Variants in RALY observed in about 807,000 individuals in gnomAD.
RALY encodes the protein RALY heterogeneous nuclear ribonucleoprotein.
RALY carries 15 observed loss-of-function variants against 30.7 expected under a neutral mutation model. The ratio of observed to expected loss-of-function variants is 0.49; its 90% CI spans 0.33 to 0.75. The LOEUF (loss-of-function observed/expected upper bound fraction) is 0.75, where lower values mean the gene tolerates loss of function less well. RALY is among the 30% of genes least tolerant of loss of function. The probability of loss-of-function intolerance (pLI) is 0.02; values close to 1 mark genes in which losing one functional copy is unlikely to be tolerated. For missense variants in RALY, 339 were observed against 414.3 expected (o/e 0.82, Z 1.58); for synonymous variants, 177 against 170.8 (o/e 1.04, Z -0.28).
chr20:34,071,400 C>A (rs1298049369), intron 2 of RALY, among the ~76,000 whole-genome samples: 1 of 152,006 alleles, frequency 6.6e-6, no homozygotes, highest in Non-Finnish European at 1.5e-5. Flanking sequence ...GCCTCAGCCT[C>A]CCGAGTAGCT....
intron 1 of RALY, among the ~76,000 whole-genome samples, chr20:34,021,784 T>C (rs1435804780): frequency 2.0e-5 from 3 of 152,174 alleles, no homozygotes; most frequent in Non-Finnish European, 2.9e-5. Context: ...ATATGGTGAG[T>C]AGAATAAAGA....
chr20:34,045,012 C>A (rs2032830692), intron 2 of RALY, among the ~76,000 whole-genome samples: 1 of 151,776 alleles, frequency 6.6e-6, no homozygotes, highest in African/African-American at 2.4e-5. Flanking sequence ...TGAGCTTAAG[C>A]AATCCTCCCA....
At chr20:34,068,877 G>A (rs183945663) in intron 2 of RALY, among the ~76,000 whole-genome samples, 2 of 152,242 alleles carry the variant, frequency 1.3e-5, no homozygotes, top group East Asian at 3.9e-4. Context: ...GTCTCCTTGG[G>A]CTGAGGGAGT....
At chr20:34,068,804 T>C (rs939587085) in intron 2 of RALY, among the ~76,000 whole-genome samples, 2 of 152,134 alleles carry the variant, frequency 1.3e-5, no homozygotes, top group African/African-American at 2.4e-5. Context: ...TATCCCTCAC[T>C]TAGAGGAGCC....
chr20:34,076,193 G>T, intron 6 of RALY, 153 bp downstream of exon 6: 1 of 1,006,720 alleles, frequency 9.9e-7, no homozygotes. Flanking sequence ...GCATTTCTAA[G>T]AGGAAACAGC....
chr20:33,997,120 C>T (rs755694706), intron 1 of RALY, among the ~76,000 whole-genome samples: 1 of 151,980 alleles, frequency 6.6e-6, no homozygotes, highest in African/African-American at 2.4e-5. Flanking sequence ...AGACCTTATA[C>T]CCTGTTTTTT....
At chr20:34,015,453 A>G (rs2031569089) in intron 1 of RALY, among the ~76,000 whole-genome samples, 1 of 152,064 alleles carries the variant, frequency 6.6e-6, no homozygotes, top group South Asian at 2.1e-4. Flanking sequence ...AACCCAAGAA[A>G]TCCAAGTCTT....
chr20:33,999,446 C>G (rs2030806806), intron 1 of RALY, among the ~76,000 whole-genome samples: 1 of 152,104 alleles, frequency 6.6e-6, no homozygotes, highest in South Asian at 2.1e-4. Context: ...CTGGATGATG[C>G]AAACATTAGT....
At chr20:34,008,740 C>G (rs1428093446) in intron 1 of RALY, among the ~76,000 whole-genome samples, 3 of 152,168 alleles carry the variant, frequency 2.0e-5, no homozygotes, top group Non-Finnish European at 4.4e-5. Context: ...CTCACTGCAG[C>G]CTCAAACTCT....
At chr20:34,013,521 C>T (rs142661228) in intron 1 of RALY, among the ~76,000 whole-genome samples, 1 of 152,040 alleles carries the variant, frequency 6.6e-6, no homozygotes, top group African/African-American at 2.4e-5. Flanking sequence ...TCTGTATTTC[C>T]CCTAAGTAGA....
At chr20:34,056,487 CA>C (rs1419665296) in intron 2 of RALY, among the ~76,000 whole-genome samples, 2 of 152,142 alleles carry the variant, frequency 1.3e-5, no homozygotes, top group Admixed American at 6.6e-5. Flanking sequence ...TAAATTCTTC[CA>C]GGGGGGAGAT....
intron 2 of RALY, among the ~76,000 whole-genome samples, chr20:34,067,145 G>T (rs2033596307): frequency 6.6e-6 from 1 of 152,096 alleles, no homozygotes; most frequent in Non-Finnish European, 1.5e-5. Context: ...CTGTTGTGAG[G>T]GTTAAATACT....
intron 1 of RALY, among the ~76,000 whole-genome samples, chr20:34,025,875 G>T: frequency 7.2e-6 from 1 of 139,482 alleles, no homozygotes; most frequent in African/African-American, 2.6e-5. Flanking sequence ...CCTTTCCCTA[G>T]CTTCCAGCAG....
At chr20:34,079,696 A>G (rs1462568097) in intron 9 of RALY, among the ~76,000 whole-genome samples, 1 of 152,110 alleles carries the variant, frequency 6.6e-6, no homozygotes, top group African/African-American at 2.4e-5. Context: ...TTCACAGGTG[A>G]GTTATATGGG....
At chr20:34,070,032 T>C (rs1381325367) in intron 2 of RALY, among the ~76,000 whole-genome samples, 2 of 152,114 alleles carry the variant, frequency 1.3e-5, no homozygotes, top group Non-Finnish European at 2.9e-5. Context: ...CACCTGCTGG[T>C]CAGAACGTGC....
At chr20:34,042,189 G>A (rs1020612088) in intron 2 of RALY, among the ~76,000 whole-genome samples, 1 of 152,090 alleles carries the variant, frequency 6.6e-6, no homozygotes, top group Non-Finnish European at 1.5e-5. Context: ...AGGCCTAGTA[G>A]CTCAGCCTCC....
At chr20:34,058,609 C>T (rs955648631) in intron 2 of RALY, among the ~76,000 whole-genome samples, 1 of 152,208 alleles carries the variant, frequency 6.6e-6, no homozygotes, top group Non-Finnish European at 1.5e-5. Flanking sequence ...GACATGTTCA[C>T]TCTCTGACCT....
intron 1 of RALY, among the ~76,000 whole-genome samples, chr20:34,022,249 T>C (rs912708857): frequency 1.3e-5 from 2 of 152,006 alleles, no homozygotes; most frequent in Admixed American, 6.6e-5. Context: ...TCTTATTCTC[T>C]TCTCTATACC....
chr20:34,071,280 G>A (rs1314424342), intron 2 of RALY, among the ~76,000 whole-genome samples: 2 of 151,770 alleles, frequency 1.3e-5, no homozygotes, highest in Admixed American at 6.6e-5. Flanking sequence ...AGACTAAGCA[G>A]TTTTCTTTTC....
Sources: gnomAD v4.1 joint callset for allele counts (sites outside exome capture counted in the v4.1 genomes callset) on GRCh38, gnomAD v4.1.1 for gene constraint, MANE v1.5 for transcripts, NCBI Gene and HGNC (gene_info 2026-07-23, HGNC 2026-07-21) for gene names.